MCF2: variants seen among roughly 807,000 people sequenced by gnomAD.
MCF2 encodes the protein MCF.2 cell line derived transforming sequence, also known as proto-oncogene DBL.
Under a neutral mutation model 82.5 loss-of-function variants are expected in MCF2, and 44 were observed. That is an observed-to-expected ratio of 0.53 (90% CI 0.42 to 0.69). The LOEUF is 0.69. Ranked by LOEUF, MCF2 falls within the 30% of genes least tolerant of loss-of-function variation. The pLI is 0.00. For missense variants in MCF2, 623 were observed against 663.1 expected, an observed-to-expected ratio of 0.94 and a Z score of 0.66; for synonymous variants, 217 against 224.9, an observed-to-expected ratio of 0.96 and a Z score of 0.32.
intron 6 of MCF2, among the ~76,000 whole-genome samples, chrX:139,621,571 G>A (rs1201643105): frequency 9.0e-6 from 1 of 111,414 alleles, no homozygotes; most frequent in South Asian, 3.8e-4. Flanking sequence ...CAGAAATAAT[G>A]CCGCATATCT....
chrX:139,638,929 T>C (rs1042698529), intron 1 of MCF2, among the ~76,000 whole-genome samples: 1 of 111,615 alleles, frequency 9.0e-6, no homozygotes, highest in African/African-American at 3.3e-5. Context: ...TAAGTATATA[T>C]AGAGAGTACT....
intron 1 of MCF2, chrX:139,692,213 A>T: frequency 1.3e-6 from 1 of 749,532 alleles, no homozygotes; most frequent in Non-Finnish European, 1.9e-6. Context: ...CAGGGCCGCT[A>T]CTCCAGCCAG....
chrX:139,671,269 T>C (rs1934682175), intron 1 of MCF2, among the ~76,000 whole-genome samples: 2 of 112,142 alleles, frequency 1.8e-5, no homozygotes. Context: ...AGGCTGCCTG[T>C]TCACTCTGAT....
rs1929351750 is a variant in MCF2 at position 139,589,941 on chromosome X, G to A, written c.2278-14C>T. On this transcript the variant is annotated splice_polypyrimidine_tract_variant and intron_variant, in intron 19 of 24. Coordinates refer to ENST00000370576, the Ensembl canonical transcript of MCF2. Reference sequence around the variant, plus strand: ...AACTTCATCCATCTATAATAAATAAGTCAAAATTTTCATGAGCATTTTATT... The same window carrying A: ...AACTTCATCCATCTATAATAAATAAATCAAAATTTTCATGAGCATTTTATT... 4.9e-6 allele frequency: 5 copies of A among 1,025,347 alleles called. No homozygotes were observed. The highest frequency in any genetic ancestry group is 6.7e-6 in the Non-Finnish European group (5 of 750,683). The allele number at this position is 1,025,347 out of a possible 1,213,427, so 84.5% of individuals were successfully genotyped here.
intron 1 of MCF2, among the ~76,000 whole-genome samples, chrX:139,658,575 A>G (rs1278331419): frequency 9.0e-6 from 1 of 110,774 alleles, no homozygotes; most frequent in African/African-American, 3.3e-5. Context: ...AGAAACTTGA[A>G]ATTTAAGATA....
intron 13 of MCF2, 25 bp from the exon 18 acceptor site, chrX:139,605,009 C>T: frequency 1.1e-6 from 1 of 877,172 alleles, no homozygotes; most frequent in Non-Finnish European, 1.6e-6. Context: ...TACATTCATG[C>T]ATTTTAAAAT....
intron 6 of MCF2, among the ~76,000 whole-genome samples, chrX:139,622,742 G>A (rs977783710): frequency 2.8e-5 from 3 of 108,567 alleles, no homozygotes; most frequent in Non-Finnish European, 5.7e-5. Context: ...GGGGTGGGGG[G>A]CGAGGGGAGG....
At chrX:139,662,948 C>T (rs924588171) in intron 1 of MCF2, among the ~76,000 whole-genome samples, 2 of 112,036 alleles carry the variant, frequency 1.8e-5, no homozygotes, top group Non-Finnish European at 3.8e-5. Context: ...CCTACAGTTT[C>T]ATCCATGTTG....
At chrX:139,674,764 T>C (rs781042604) in intron 1 of MCF2, among the ~76,000 whole-genome samples, 219 of 112,084 alleles carry the variant, frequency 2.0e-3, no homozygotes, top group Non-Finnish European at 3.2e-3. Context: ...CATTTTTTCC[T>C]TCATGTCAAC....
intron 1 of MCF2, among the ~76,000 whole-genome samples, chrX:139,633,082 T>C (rs1455661807): frequency 9.0e-6 from 1 of 111,392 alleles, no homozygotes; most frequent in Non-Finnish European, 1.9e-5. Context: ...TCAAAGGAAT[T>C]AGAATAATAT....
chrX:139,585,019 T>C (rs771342928), intron 24 of MCF2, 47 bp downstream of exon 28: 1 of 897,283 alleles, frequency 1.1e-6, no homozygotes, highest in South Asian at 2.5e-5. Flanking sequence ...CTATATTTCA[T>C]CAGTAAAACT....
intron 1 of MCF2, among the ~76,000 whole-genome samples, chrX:139,633,480 T>C (rs1426006288): frequency 9.0e-6 from 1 of 111,359 alleles, no homozygotes; most frequent in Non-Finnish European, 1.9e-5. Context: ...AGTTTAAGGA[T>C]ACCTTCCCCC....
intron 19 of MCF2, among the ~76,000 whole-genome samples, chrX:139,595,190 C>A (rs1270837857): frequency 1.1e-3 from 114 of 108,295 alleles, no homozygotes; most frequent in African/African-American, 3.5e-3. Flanking sequence ...GGATCTAGAA[C>A]TAGAAATACC....
At chrX:139,680,513 G>A (rs778685680) in intron 1 of MCF2, among the ~76,000 whole-genome samples, 126 of 112,031 alleles carry the variant, frequency 1.1e-3, no homozygotes, top group Non-Finnish European at 2.1e-3. Context: ...CAGTGTAAAC[G>A]AGTAGGGGCA....
intron 1 of MCF2, among the ~76,000 whole-genome samples, chrX:139,641,164 G>A (rs1227410644): frequency 1.9e-5 from 2 of 105,134 alleles, no homozygotes; most frequent in African/African-American, 6.8e-5. Flanking sequence ...GTTCAGCACT[G>A]AGAATATATA....
At chrX:139,672,357 T>C (rs1387449965) in intron 1 of MCF2, among the ~76,000 whole-genome samples, 1 of 112,673 alleles carries the variant, frequency 8.9e-6, no homozygotes, top group African/African-American at 3.2e-5. Flanking sequence ...CTATCTTGAA[T>C]AGGAGTGGTG....
intron 19 of MCF2, among the ~76,000 whole-genome samples, chrX:139,591,276 G>A (rs1340647095): frequency 2.7e-5 from 3 of 111,274 alleles, no homozygotes; most frequent in African/African-American, 9.8e-5. Flanking sequence ...TAAATAGCAT[G>A]GAGTAAATGC....
intron 1 of MCF2, among the ~76,000 whole-genome samples, chrX:139,703,228 T>C (rs1935531766): frequency 8.9e-6 from 1 of 111,835 alleles, no homozygotes; most frequent in Non-Finnish European, 1.9e-5. Context: ...CATTAGATGA[T>C]AGTGATCAGG....
chrX:139,639,428 A>T (rs1603297510), intron 1 of MCF2, among the ~76,000 whole-genome samples: 1 of 111,775 alleles, frequency 8.9e-6, no homozygotes, highest in East Asian at 2.8e-4. Context: ...GCTGCCTATC[A>T]CATAGGACTC....
Sources: allele counts gnomAD v4.1 joint callset (sites outside exome capture counted in the v4.1 genomes callset), GRCh38; gene constraint gnomAD v4.1.1; transcripts MANE v1.5; gene names NCBI Gene and HGNC (gene_info 2026-07-23, HGNC 2026-07-21).